PCDHA8: variants seen among roughly 807,000 people sequenced by gnomAD.
The protein encoded by PCDHA8 is protocadherin alpha 8.
A neutral mutation model predicts 61.8 loss-of-function variants in PCDHA8; 53 were observed. The ratio of observed to expected loss-of-function variants is 0.86; its 90% CI spans 0.69 to 1.08. The LOEUF (loss-of-function observed/expected upper bound fraction) is 1.08, where lower values mean the gene tolerates loss of function less well. Among genes scored for constraint, PCDHA8 ranks in the 50% least tolerant of loss-of-function variants. The pLI is 0.00. For synonymous variants in PCDHA8, 618 were observed against 556.6 expected, an observed-to-expected ratio of 1.11 and a Z score of -1.55; for missense variants, 1,293 against 1,245.0, an observed-to-expected ratio of 1.04 and a Z score of -0.58.
chr5:140,869,484 C>G (rs782167038), intron 1 of PCDHA8: 2 of 1,613,948 alleles, frequency 1.2e-6, no homozygotes, highest in Non-Finnish European at 1.7e-6. Context: ...AGGACATTAA[C>G]GACAACCCGC....
At chr5:141,005,953 A>G (rs1036085493) in intron 3 of PCDHA8, among the ~76,000 whole-genome samples, 1 of 152,052 alleles carries the variant, frequency 6.6e-6, no homozygotes, top group Non-Finnish European at 1.5e-5. Context: ...TCTCTAACAA[A>G]CAACAATAAA....
intron 1 of PCDHA8, among the ~76,000 whole-genome samples, chr5:140,954,014 A>G (rs782347890): frequency 1.3e-5 from 2 of 152,038 alleles, no homozygotes; most frequent in African/African-American, 4.8e-5. Context: ...CAGCTCCCAC[A>G]CATAGTGGGA....
chr5:140,978,794 T>A, intron 1 of PCDHA8, 155 bp from the exon 2 acceptor site: 1 of 978,746 alleles, frequency 1.0e-6, no homozygotes, highest in Non-Finnish European at 1.2e-6. Flanking sequence ...GTGCTATATA[T>A]GTAGATATCA....
In PCDHA8 at chr5:140,963,375, C is replaced by A. The variant is rs1425392684; in HGVS notation, c.2395-15574C>A. On this transcript the variant is annotated intron_variant, in intron 1 of 3. Transcript: ENST00000531613. ...CTTTTCAAAGAACATTAATTGAGCA[C>A]CTCTGTGCCAAGCTCCCTACTGGAT... is the stretch of plus-strand genomic sequence containing the variant. Among the ~76,000 whole-genome samples, 15 of 152,176 alleles carry A rather than the reference C, an allele frequency of 9.9e-5. 1 individual carries two copies. The highest frequency in any genetic ancestry group is 5.2e-4 in the Admixed American group (8 of 15,290).
chr5:140,904,139 A>G lies in PCDHA8; in HGVS notation c.2394+60424A>G, dbSNP rs557435150. On this transcript the variant is annotated intron_variant, in intron 1 of 3. Coordinates refer to ENST00000531613, the MANE Select transcript of PCDHA8 (RefSeq NM_018911.3). ...ATTTTGGTGCACCCATCACCCGAGCAGTATACATTGCACCCAGTTTGTAGT... is the reference window on the plus strand; with the variant it reads ...ATTTTGGTGCACCCATCACCCGAGCGGTATACATTGCACCCAGTTTGTAGT... Among the ~76,000 whole-genome samples, 4 of 152,286 alleles carry G rather than the reference A, an allele frequency of 2.6e-5. No homozygotes were observed. The East Asian group carries it at 7.7e-4, about 29-fold the overall frequency.
intron 1 of PCDHA8, among the ~76,000 whole-genome samples, chr5:140,931,244 T>C (rs1161128281): frequency 6.6e-6 from 1 of 152,168 alleles, no homozygotes; most frequent in Non-Finnish European, 1.5e-5. Context: ...ACACTTTTCC[T>C]ACCAAGAAAT....
chr5:140,897,806 CA>C (rs1351917169), intron 1 of PCDHA8, among the ~76,000 whole-genome samples: 11 of 152,166 alleles, frequency 7.2e-5, no homozygotes, highest in African/African-American at 2.7e-4. Flanking sequence ...GTCCCACCAA[CA>C]GTGTAAAAGT....
Position 140,882,692 on chromosome 5 carries a change from AT to A in PCDHA8, c.2394+38979del, listed in dbSNP as rs782355155. On this transcript the variant is annotated intron_variant, in intron 1 of 3. Coordinates refer to ENST00000531613, the MANE Select transcript of PCDHA8 (RefSeq NM_018911.3). The stretch of plus-strand genomic sequence containing the variant: ...CCCTGAAAGCAAGAAACGAATAATC[AT>A]TGCAGAATCTAGACCTCCGGAAACT... The A allele has an allele frequency of 2.1e-5, 34 of 1,614,204 alleles. No individual in the cohort carries two copies. In the South Asian group the frequency reaches 3.5e-4, roughly 17 times the overall value.
At chr5:140,954,476 G>C (rs1467215585) in intron 1 of PCDHA8, among the ~76,000 whole-genome samples, 1 of 152,192 alleles carries the variant, frequency 6.6e-6, no homozygotes, top group Non-Finnish European at 1.5e-5. Context: ...ACTGGTGTGA[G>C]AAGATATTTC....
chr5:140,844,416 T>C (rs2150371030), intron 1 of PCDHA8, among the ~76,000 whole-genome samples: 3 of 149,642 alleles, frequency 2.0e-5, no homozygotes, highest in Admixed American at 6.7e-5. Context: ...TGGAGACATG[T>C]TTTTTATTCT....
chr5:141,001,850 T>G (rs2098040443), intron 3 of PCDHA8, among the ~76,000 whole-genome samples: 1 of 152,164 alleles, frequency 6.6e-6, no homozygotes, highest in Admixed American at 6.5e-5. Context: ...AGAGAGAGGT[T>G]GATTAAATTG....
intron 1 of PCDHA8, among the ~76,000 whole-genome samples, chr5:140,888,280 C>T (rs182771664): frequency 2.0e-5 from 3 of 152,210 alleles, no homozygotes; most frequent in African/African-American, 4.8e-5. Context: ...GTTTTGTCCC[C>T]TCTACCCCCT....
At chr5:140,967,060 G>T in intron 1 of PCDHA8, 1 of 1,612,802 alleles carries the variant, frequency 6.2e-7, no homozygotes, top group Non-Finnish European at 8.5e-7. Flanking sequence ...CGAGTGGAGC[G>T]CTCTTCGTCA....
At chr5:140,857,294 A>G in intron 1 of PCDHA8, 2 of 1,598,576 alleles carry the variant, frequency 1.3e-6, no homozygotes, top group Non-Finnish European at 1.7e-6. Context: ...GGACCGCGAG[A>G]GGGTGTCGGC....
chr5:141,000,345 C>A (rs1395527046), intron 3 of PCDHA8, among the ~76,000 whole-genome samples: 7 of 116,650 alleles, frequency 6.0e-5, no homozygotes, highest in African/African-American at 2.4e-4. Context: ...CCCTATCTCT[C>A]TCTCTGTCTC....
intron 1 of PCDHA8, chr5:140,967,210 C>T (rs146322183): frequency 1.4e-4 from 231 of 1,613,674 alleles, no homozygotes; most frequent in Admixed American, 5.0e-4. Flanking sequence ...CACCGCGTTT[C>T]CCGCGGCCCA....
At chr5:140,858,839 C>T (rs1306924023) in intron 1 of PCDHA8, 1 of 317,040 alleles carries the variant, frequency 3.2e-6, no homozygotes, top group Non-Finnish European at 5.9e-6. Context: ...CCAAAAAATT[C>T]CACTGATCTA....
intron 1 of PCDHA8, among the ~76,000 whole-genome samples, chr5:140,886,628 C>T (rs1305924545): frequency 6.6e-6 from 1 of 151,764 alleles, no homozygotes; most frequent in African/African-American, 2.4e-5. Context: ...GAGTCCGAGA[C>T]CAGCCTGGCC....
intron 1 of PCDHA8, among the ~76,000 whole-genome samples, chr5:140,879,279 A>G (rs2057928398): frequency 2.0e-5 from 3 of 152,250 alleles, no homozygotes; most frequent in East Asian, 3.8e-4. Flanking sequence ...CAGACTCAAT[A>G]CAAATGATAA....
Sources: allele counts gnomAD v4.1 joint callset (sites outside exome capture counted in the v4.1 genomes callset), GRCh38; gene constraint gnomAD v4.1.1; transcripts MANE v1.5; gene names NCBI Gene and HGNC (gene_info 2026-07-23, HGNC 2026-07-21).